TMPRSS15: variants seen among roughly 807,000 people sequenced by gnomAD.
TMPRSS15 encodes the protein enteropeptidase.
Under a neutral mutation model 125.3 loss-of-function variants are expected in TMPRSS15, and 128 were observed. The ratio of observed to expected loss-of-function variants is 1.02; its 90% CI spans 0.89 to 1.18. The LOEUF (loss-of-function observed/expected upper bound fraction) is 1.18, where lower values mean the gene tolerates loss of function less well. Among genes scored for constraint, TMPRSS15 ranks in the 50% most tolerant of loss-of-function variants. TMPRSS15 has a pLI of 0.00. For missense variants in TMPRSS15, 1,283 were observed against 1,212.7 expected (o/e 1.06, Z -0.86); for synonymous variants, 446 against 423.2 (o/e 1.05, Z -0.66).
At chr21:18,450,339 C>T (rs1370224079) in intron 1 of TMPRSS15, among the ~76,000 whole-genome samples, 4 of 151,510 alleles carry the variant, frequency 2.6e-5, no homozygotes, top group Non-Finnish European at 5.9e-5. Flanking sequence ...AACCTTTTGT[C>T]GTAGTTTGAA....
At chr21:18,421,247 TCAAGATC>T in intron 1 of TMPRSS15, among the ~76,000 whole-genome samples, 1 of 152,286 alleles carries the variant, frequency 6.6e-6, no homozygotes, top group South Asian at 2.1e-4. Flanking sequence ...ATTTGGTGTT[TCAAGATC>T]TTGGTCACAG....
At chr21:18,300,926 C>T (rs2074965147) in intron 18 of TMPRSS15, among the ~76,000 whole-genome samples, 1 of 152,032 alleles carries the variant, frequency 6.6e-6, no homozygotes, top group Non-Finnish European at 1.5e-5. Flanking sequence ...GTGGCACTTT[C>T]ACTATCCAGC....
chr21:18,325,130 A>G (rs2075275984), intron 16 of TMPRSS15, among the ~76,000 whole-genome samples: 1 of 151,990 alleles, frequency 6.6e-6, no homozygotes, highest in African/African-American at 2.4e-5. Flanking sequence ...TTGCATCTCA[A>G]TGTATTTTGT....
chr21:18,338,843 C>G (rs925537440), intron 13 of TMPRSS15, among the ~76,000 whole-genome samples: 7 of 152,036 alleles, frequency 4.6e-5, no homozygotes, highest in Non-Finnish European at 5.9e-5. Flanking sequence ...GTAAATTTGA[C>G]CTAGAGTTTG....
In TMPRSS15 at chr21:18,353,827, A is replaced by C. The variant is rs1233258902; in HGVS notation, c.917T>G (p.Ile306Ser). 4.3e-6 allele frequency: 7 copies of C among 1,611,540 alleles called. No individual in the cohort carries two copies. The highest frequency in any genetic ancestry group is 5.9e-6 in the Non-Finnish European group (7 of 1,178,318). Reference protein sequence around the residue: ...IWETNPGTIRIFSNQVTATFL... With the variant: ...IWETNPGTIRSFSNQVTATFL... Reference sequence around the variant, plus strand: ...GGTGGCAGTAACTTGGTTGGAAAAAATTCTTATTGTGCCAGGATTAGTTTC... The same window carrying C: ...GGTGGCAGTAACTTGGTTGGAAAAACTTCTTATTGTGCCAGGATTAGTTTC... Residue 306 changes from isoleucine (I) to serine (S), a missense_variant, in exon 9 of 25, where the codon ATT (isoleucine) becomes AGT (serine). Ile to Ser is a moderately radical substitution (Grantham distance 142, BLOSUM62 -2). Transcript: ENST00000284885.
At chr21:18,400,556 C>A (rs2076085606) in intron 1 of TMPRSS15, among the ~76,000 whole-genome samples, 1 of 152,092 alleles carries the variant, frequency 6.6e-6, no homozygotes, top group South Asian at 2.1e-4. Context: ...GGATCCCTAC[C>A]TTTCACCATA....
intron 16 of TMPRSS15, among the ~76,000 whole-genome samples, chr21:18,325,931 C>T (rs776424585): frequency 5.9e-5 from 9 of 151,914 alleles, no homozygotes; most frequent in African/African-American, 1.2e-4. Context: ...CACCTAGTGT[C>T]GGAGGGTTGG....
chr21:18,282,698 C>T (rs1490736523), intron 21 of TMPRSS15, among the ~76,000 whole-genome samples: 1 of 152,176 alleles, frequency 6.6e-6, no homozygotes, highest in Admixed American at 6.5e-5. Context: ...AAGTGCAATA[C>T]CGAGAACTTT....
chr21:18,409,172 A>G (rs137897687), intron 1 of TMPRSS15, among the ~76,000 whole-genome samples: 1,755 of 151,726 alleles, frequency 0.012, 35 homozygotes, highest in African/African-American at 0.04. Context: ...TTTTTCTGCC[A>G]CTGAACATAA....
At position 18,341,496 on chromosome 21, in the gene TMPRSS15, T is replaced by G; in HGVS notation, c.1481A>C (p.Asp494Ala). 6.2e-7 allele frequency: 1 copy of G among 1,614,130 alleles called. No individual in the cohort carries two copies. The change falls in exon 13 of 25, where the codon GAC becomes GCC. Residue 494 changes from aspartate to alanine, a missense_variant. Physicochemically the swap from Asp to Ala is moderately radical, Grantham distance 126. Transcript: ENST00000284885. Reference protein sequence around the residue: ...NKILSDIALDDISLTYGICNG... With the variant: ...NKILSDIALDAISLTYGICNG... ...GCAAATCCCATATGTTAGGCTAATG[T>G]CATCCAACGCAATATCACTCAGGAT...
chr21:18,271,574 TCCTTA>T (rs987526882), intron 24 of TMPRSS15, among the ~76,000 whole-genome samples: 3 of 152,172 alleles, frequency 2.0e-5, no homozygotes, highest in South Asian at 2.1e-4. Flanking sequence ...ATGTAACTTC[TCCTTA>T]CCTTAATTTT....
intron 1 of TMPRSS15, among the ~76,000 whole-genome samples, chr21:18,456,739 AAG>A (rs1238126933): frequency 2.0e-5 from 3 of 152,154 alleles, no homozygotes; most frequent in Non-Finnish European, 2.9e-5. Context: ...CTGATTATAA[AAG>A]TAATCAAAGC....
intron 1 of TMPRSS15, among the ~76,000 whole-genome samples, chr21:18,431,667 A>G (rs2076216722): frequency 6.6e-6 from 1 of 152,164 alleles, no homozygotes; most frequent in African/African-American, 2.4e-5. Context: ...TTATAATTAA[A>G]TAACTTGAAT....
At chr21:18,403,864 A>G (rs568537208), upstream of TMPRSS15, among the ~76,000 whole-genome samples, 59 of 152,360 alleles carry the variant, frequency 3.9e-4, 2 homozygotes, top group South Asian at 1.4e-3. Context: ...AAAGATGCCT[A>G]GAGTTGTAAA....
chr21:18,443,488 G>A (rs138393093), intron 1 of TMPRSS15, among the ~76,000 whole-genome samples: 66 of 152,236 alleles, frequency 4.3e-4, no homozygotes, highest in African/African-American at 1.4e-3. Context: ...TGGCATCCCC[G>A]GTCTCCCCAC....
intron 13 of TMPRSS15, among the ~76,000 whole-genome samples, chr21:18,335,220 A>T (rs1238435271): frequency 6.6e-6 from 1 of 152,218 alleles, no homozygotes; most frequent in Non-Finnish European, 1.5e-5. Context: ...ACTCAGATAT[A>T]AGACTGGGAA....
At chr21:18,456,540 TAGTTTCCTAAATTCCAGTA>T (rs1978444682) in intron 1 of TMPRSS15, among the ~76,000 whole-genome samples, 2 of 152,200 alleles carry the variant, frequency 1.3e-5, no homozygotes, top group South Asian at 4.1e-4. Context: ...GAGGGCTACC[TAGTTTCCTAAATTCCAGTA>T]AGATACTTAA....
intron 1 of TMPRSS15, among the ~76,000 whole-genome samples, chr21:18,459,356 C>A (rs1022093178): frequency 1.3e-5 from 2 of 152,004 alleles, no homozygotes; most frequent in Non-Finnish European, 2.9e-5. Flanking sequence ...TCATTGCAAC[C>A]TCTGCCTCCC....
intron 6 of TMPRSS15, among the ~76,000 whole-genome samples, chr21:18,370,892 A>T (rs140247317): frequency 1.3e-5 from 2 of 152,306 alleles, no homozygotes; most frequent in Admixed American, 6.5e-5. Context: ...CAAGATGAGA[A>T]AAGTGTAACA....
Sources: allele counts gnomAD v4.1 joint callset (sites outside exome capture counted in the v4.1 genomes callset), GRCh38; gene constraint gnomAD v4.1.1; transcripts MANE v1.5; gene names NCBI Gene and HGNC (gene_info 2026-07-23, HGNC 2026-07-21).